HCRTR2: variants seen among roughly 807,000 people sequenced by gnomAD.
HCRTR2 encodes the protein hypocretin receptor 2, also known as orexin receptor type 2.
A neutral mutation model predicts 49.0 loss-of-function variants in HCRTR2; 22 were observed. The ratio of observed to expected loss-of-function variants is 0.45; its 90% CI spans 0.32 to 0.64. The LOEUF (loss-of-function observed/expected upper bound fraction) is 0.64. Ranked by LOEUF, HCRTR2 falls within the 30% of genes least tolerant of loss-of-function variation. The pLI is 0.04. For missense variants in HCRTR2, 491 were observed against 559.4 expected (o/e 0.88, Z 1.23); for synonymous variants, 236 against 205.3 (o/e 1.15, Z -1.28).
intron 1 of HCRTR2, among the ~76,000 whole-genome samples, chr6:55,215,580 G>A (rs1765773142): frequency 6.6e-6 from 1 of 151,782 alleles, no homozygotes. Flanking sequence ...TGGTATAGAA[G>A]TTAAAAAAAA....
Position 55,193,230 on chromosome 6 carries a change from C to T in HCRTR2, c.223+18420C>T, listed in dbSNP as rs112697806. On this transcript the variant is annotated intron_variant, in intron 1 of 6. Transcript: ENST00000370862. The stretch of plus-strand genomic sequence containing the variant: ...AGGACATGACAGCATCATGGGAAGG[C>T]CAGAAATGCAATATGTTAAAGTAAA... 2.3e-3 allele frequency among the ~76,000 whole-genome samples: 347 copies of T among 152,124 alleles called. 3 individuals carry two copies. Among genetic ancestry groups the T allele is most frequent in the African/African-American group, 7.5e-3 (312 of 41,494 alleles).
At chr6:55,146,729 A>G (rs889653504) in intron 1 of HCRTR2, among the ~76,000 whole-genome samples, 7 of 152,118 alleles carry the variant, frequency 4.6e-5, no homozygotes, top group African/African-American at 1.7e-4. Context: ...GTGTTTTTCA[A>G]ACTTTAGCAT....
chr6:55,278,825 A>C (rs1270250806), intron 5 of HCRTR2, among the ~76,000 whole-genome samples: 1 of 151,356 alleles, frequency 6.6e-6, no homozygotes, highest in Non-Finnish European at 1.5e-5. Flanking sequence ...TGCTTTTAAG[A>C]ACTTTATAAA....
In HCRTR2 at chr6:55,174,544, G is replaced by A. The variant is rs767841738; in HGVS notation, c.-44G>A. 1.4e-5 allele frequency: 21 copies of A among 1,504,424 alleles called. No homozygotes were observed. The highest frequency in any genetic ancestry group is 5.0e-5 in the Admixed American group (3 of 59,860). The allele number at this position is 1,504,424 out of a possible 1,614,324, so 93.2% of individuals were successfully genotyped here. A position where few individuals can be genotyped will look rare whatever the true frequency, so the allele number is the denominator to read the frequency against. ...ATCACCAGTGCTCATGGGGCAGGCG[G>A]AGAGGAGCTTGCAGCATTGAGCGGA... On this transcript the variant is annotated 5_prime_UTR_variant, in exon 1 of 7. Coordinates refer to ENST00000370862, the MANE Select transcript of HCRTR2 (RefSeq NM_001384272.1).
At chr6:55,135,986 T>C (rs1581789706) in intron 1 of HCRTR2, among the ~76,000 whole-genome samples, 1 of 152,192 alleles carries the variant, frequency 6.6e-6, no homozygotes, top group African/African-American at 2.4e-5. Context: ...CGTAGAACAT[T>C]AATTGCATGC....
chr6:55,233,107 T>C (rs930981387), intron 1 of HCRTR2, among the ~76,000 whole-genome samples: 5 of 151,864 alleles, frequency 3.3e-5, no homozygotes, highest in African/African-American at 7.3e-5. Context: ...TTTTTTTTTT[T>C]TGATGGTGTC....
rs1384260022 is a variant in HCRTR2, at chr6:55,134,661, CTACACATTT to C, written c.-378+28119_-378+28127del. Among the ~76,000 whole-genome samples the C allele has an allele frequency of 2.6e-5, 4 of 152,042 alleles. No homozygotes were observed. The East Asian group carries it at 7.7e-4, about 29-fold the overall frequency. ...CCCTCCCTCTCCCAGACCCTGGTAA[CTACACATTT>C]TATTCTCTTTCTATGGGATCAACTT... is the stretch of plus-strand genomic sequence containing the variant. On this transcript the variant is annotated intron_variant, in intron 1 of 7. Coordinates refer to the HCRTR2 transcript ENST00000615358.
chr6:55,145,520 C>G lies in HCRTR2; in HGVS notation c.-377-28691C>G, dbSNP rs897911677. Reference sequence around the variant, plus strand: ...CCGCCTCCCGGGTTCATGCCATTCTCCTGCCTCGGCCTCCTGAGTAGCTGG... The same window carrying G: ...CCGCCTCCCGGGTTCATGCCATTCTGCTGCCTCGGCCTCCTGAGTAGCTGG... On this transcript the variant is annotated intron_variant, in intron 1 of 7. Transcript: ENST00000615358. 2.6e-5 allele frequency among the ~76,000 whole-genome samples: 4 copies of G among 151,786 alleles called. No homozygotes were observed. In the East Asian group the frequency reaches 7.8e-4, roughly 29 times the overall value.
intron 1 of HCRTR2, among the ~76,000 whole-genome samples, chr6:55,213,335 C>G (rs1765728997): frequency 6.6e-6 from 1 of 152,048 alleles, no homozygotes; most frequent in South Asian, 2.1e-4. Flanking sequence ...ATAAAACAAA[C>G]AATAATTATT....
chr6:55,123,943 T>A (rs553664717), intron 1 of HCRTR2, among the ~76,000 whole-genome samples: 2 of 152,296 alleles, frequency 1.3e-5, no homozygotes, highest in Non-Finnish European at 2.9e-5. Flanking sequence ...CTGATGGTAG[T>A]TTGTATTTCT....
intron 1 of HCRTR2, among the ~76,000 whole-genome samples, chr6:55,167,834 T>G (rs965731300): frequency 6.6e-6 from 1 of 152,140 alleles, no homozygotes; most frequent in Non-Finnish European, 1.5e-5. Context: ...TTTTAACCAT[T>G]TATTATTTTG....
chr6:55,213,354 C>G (rs973567099), intron 1 of HCRTR2, among the ~76,000 whole-genome samples: 4 of 152,026 alleles, frequency 2.6e-5, no homozygotes, highest in African/African-American at 9.7e-5. Context: ...TTTAAATTAC[C>G]TGTCATATGG....
chr6:55,204,875 T>C lies in HCRTR2; in HGVS notation c.223+30065T>C, dbSNP rs3006856. The stretch of plus-strand genomic sequence containing the variant: ...ATCTCGACTCACTGCAGCTTCGACC[T>C]CCTGGGCTGAAGTAATTCTTCTACT... On this transcript the variant is annotated intron_variant, in intron 1 of 6. Transcript: ENST00000370862. 1.7e-3 allele frequency among the ~76,000 whole-genome samples: 261 copies of C among 149,472 alleles called. 1 individual carries two copies. The highest frequency in any genetic ancestry group is 5.9e-3 in the African/African-American group (241 of 40,932).
chr6:55,227,199 A>G (rs1192713999), intron 1 of HCRTR2, among the ~76,000 whole-genome samples: 1 of 152,126 alleles, frequency 6.6e-6, no homozygotes, highest in African/African-American at 2.4e-5. Context: ...AAAATTATGC[A>G]TTATGTTAAG....
chr6:55,189,842 GT>G (rs761002282), intron 1 of HCRTR2, among the ~76,000 whole-genome samples: 11 of 152,022 alleles, frequency 7.2e-5, no homozygotes, highest in Non-Finnish European at 1.0e-4. Flanking sequence ...TGTCTTATTC[GT>G]TTTTTTCTTA....
At chr6:55,213,873 T>G (rs1036838785) in intron 1 of HCRTR2, among the ~76,000 whole-genome samples, 18 of 152,162 alleles carry the variant, frequency 1.2e-4, no homozygotes, top group Admixed American at 1.1e-3. Flanking sequence ...CTCCTCTCAC[T>G]TCATAGAATG....
At chr6:55,271,331 G>A (rs1581869963) in intron 4 of HCRTR2, among the ~76,000 whole-genome samples, 1 of 152,200 alleles carries the variant, frequency 6.6e-6, no homozygotes, top group South Asian at 2.1e-4. Flanking sequence ...TAAGACAATT[G>A]TATATCCACA....
At chr6:55,121,891 A>T (rs1764205246) in intron 1 of HCRTR2, among the ~76,000 whole-genome samples, 1 of 151,968 alleles carries the variant, frequency 6.6e-6, no homozygotes, top group Admixed American at 6.6e-5. Context: ...TTTTGCATCG[A>T]TGTTCGTCAG....
At chr6:55,169,957 GCAAAAAAGATGATCTCTCA>G (rs1764925119), upstream of HCRTR2, among the ~76,000 whole-genome samples, 1 of 151,452 alleles carries the variant, frequency 6.6e-6, no homozygotes, top group Non-Finnish European at 1.5e-5. Flanking sequence ...AGTTACACCT[GCAAAAAAGATGATCTCTCA>G]CCAGGAATAA....
Sources: gnomAD v4.1 joint callset for allele counts (sites outside exome capture counted in the v4.1 genomes callset) on GRCh38, gnomAD v4.1.1 for gene constraint, MANE v1.5 for transcripts, NCBI Gene and HGNC (gene_info 2026-07-23, HGNC 2026-07-21) for gene names.